The following LRRC71 variants were observed in gnomAD, a reference collection of about 807,000 sequenced individuals.
LRRC71 encodes leucine-rich repeat-containing protein 71.
LRRC71 carries 54 observed loss-of-function variants against 66.6 expected under a neutral mutation model. The ratio of observed to expected loss-of-function variants is 0.81; its 90% CI spans 0.65 to 1.02. The LOEUF (loss-of-function observed/expected upper bound fraction) is 1.02, where lower values mean the gene tolerates loss of function less well. LRRC71 is among the 50% of genes least tolerant of loss of function. LRRC71 has a pLI of 0.00. For missense variants in LRRC71, 724 were observed against 718.0 expected (o/e 1.01, Z -0.10); for synonymous variants, 323 against 303.9 (o/e 1.06, Z -0.65).
chr1:156,937,370 A>AGCTGAG (rs775252703), downstream of LRRC71: 5 of 1,610,872 alleles, frequency 3.1e-6, no homozygotes, highest in Non-Finnish European at 4.2e-6. Flanking sequence ...GCCTCCCTGC[A>AGCTGAG]GCTGAGGCTG....
intron 13 of LRRC71, 137 bp from the exon 14 acceptor site, chr1:156,932,287 G>C (rs1654494103): frequency 5.5e-6 from 4 of 723,740 alleles, no homozygotes; most frequent in Non-Finnish European, 7.2e-6. Context: ...TGAAGGGCTA[G>C]GTCAGGGAAA....
In LRRC71 at chr1:156,920,673, G is replaced by T; in HGVS notation, c.-131G>T. ...ACGCGTAGGCTACGCCACCGCGGACGGGTCGGATCCGGTCCCTGGACGCGG... is the reference window on the plus strand; with the variant it reads ...ACGCGTAGGCTACGCCACCGCGGACTGGTCGGATCCGGTCCCTGGACGCGG... On this transcript the variant is annotated 5_prime_UTR_variant, in exon 1 of 15. Transcript: ENST00000337428. This position sits in a 1 kb window ranked among gnomAD's most constrained non-coding sequence, Gnocchi z 4.9. 1 of 1,144,712 alleles carries T rather than the reference G, an allele frequency of 8.7e-7. No individual in the cohort carries two copies. The highest frequency in any genetic ancestry group is 2.7e-5 in the South Asian group (1 of 37,454). 70.9% of individuals were successfully genotyped at this position (1,144,712 alleles called of 1,614,324 possible).
At chr1:156,937,086 G>A (rs1655566025), downstream of LRRC71, 1 of 1,572,082 alleles carries the variant, frequency 6.4e-7, no homozygotes, top group Admixed American at 1.8e-5. Flanking sequence ...GCTGGGCCTT[G>A]GGGAGGAGGG....
chr1:156,937,995 T>C (rs1485100936), downstream of LRRC71, among the ~76,000 whole-genome samples: 1 of 151,532 alleles, frequency 6.6e-6, no homozygotes, highest in African/African-American at 2.4e-5. Context: ...ACGTGGAGGG[T>C]TCCTGACAGG....
At chr1:156,940,014 A>G in the LRRC71 span, 1 of 1,531,438 alleles carries the variant, frequency 6.5e-7, no homozygotes. Flanking sequence ...CCTCAGGCAC[A>G]GGTGAAGCTG....
intron 9 of LRRC71, among the ~76,000 whole-genome samples, 186 bp downstream of exon 9, chr1:156,928,190 G>A (rs1653534694): frequency 6.6e-6 from 1 of 152,178 alleles, no homozygotes; most frequent in Non-Finnish European, 1.5e-5. Context: ...TCTAATTGCA[G>A]AACCACACTA....
downstream of LRRC71, chr1:156,937,019 C>T (rs988760112): frequency 1.2e-5 from 20 of 1,609,160 alleles, no homozygotes; most frequent in East Asian, 2.2e-5. Flanking sequence ...GAAGAGTCGG[C>T]GGGGGAATGT....
intron 1 of LRRC71, among the ~76,000 whole-genome samples, chr1:156,923,368 G>C (rs544302572): frequency 1.4e-4 from 21 of 152,332 alleles, no homozygotes; most frequent in African/African-American, 4.8e-4. Flanking sequence ...GATGTGGTGG[G>C]CGCGTGTGAA....
chr1:156,935,928 A>G (rs1019606910), downstream of LRRC71: 8 of 1,517,794 alleles, frequency 5.3e-6, no homozygotes, highest in African/African-American at 5.5e-5. Flanking sequence ...GATCCCCCCT[A>G]CCCTGTGCCC....
chr1:156,939,078 A>C, the LRRC71 span: 1 of 208,470 alleles, frequency 4.8e-6, no homozygotes. Context: ...TTTGTCCTCC[A>C]CCCCTTCCAG....
At chr1:156,931,349 C>T (rs535152724) in intron 12 of LRRC71, among the ~76,000 whole-genome samples, 4 of 152,284 alleles carry the variant, frequency 2.6e-5, no homozygotes, top group Admixed American at 6.5e-5. Context: ...CAAAAGAGGA[C>T]GTTCAGAGGG....
chr1:156,936,497 A>AAAATAT (rs370282821), downstream of LRRC71, among the ~76,000 whole-genome samples: 58 of 33,926 alleles, frequency 1.7e-3, no homozygotes, highest in East Asian at 0.018. Context: ...AAAAAAAAAA[A>AAAATAT]ATATATATAT....
At chr1:156,932,674 T>A in intron 14 of LRRC71, 129 bp downstream of exon 14, 1 of 1,595,902 alleles carries the variant, frequency 6.3e-7, no homozygotes, top group Non-Finnish European at 8.6e-7. Flanking sequence ...TGCTTCTTTT[T>A]AATAATCACA....
At chr1:156,927,409 G>T in intron 6 of LRRC71, 87 bp from the exon 7 acceptor site, 16 of 1,507,360 alleles carry the variant, frequency 1.1e-5, no homozygotes, top group Non-Finnish European at 1.2e-5. Flanking sequence ...AGACCAGACC[G>T]CCCCCTCAAG....
At chr1:156,933,898 G>C (rs1435141678), downstream of LRRC71, among the ~76,000 whole-genome samples, 4 of 152,158 alleles carry the variant, frequency 2.6e-5, no homozygotes, top group Non-Finnish European at 5.9e-5. Flanking sequence ...TGCCTACCTA[G>C]AATTCCCTTG....
chr1:156,930,436 T>G, intron 11 of LRRC71, 93 bp from the exon 12 acceptor site: 1 of 1,126,178 alleles, frequency 8.9e-7, no homozygotes, highest in Non-Finnish European at 1.3e-6. Flanking sequence ...AGTTGGGGGG[T>G]CTCTTTGCCT....
chr1:156,940,163 C>G, the LRRC71 span: 3 of 1,527,296 alleles, frequency 2.0e-6, no homozygotes, highest in Non-Finnish European at 2.6e-6. Flanking sequence ...ACTGGGTGTG[C>G]GACTGGGGAC....
At chr1:156,940,450 A>G in the LRRC71 span, 1 of 1,578,416 alleles carries the variant, frequency 6.3e-7, no homozygotes, top group Non-Finnish European at 8.6e-7. Context: ...AGAAGATTGT[A>G]AGGCAGGGAA....
At chr1:156,921,034 C>G in intron 1 of LRRC71, 71 bp downstream of exon 1, 1 of 1,432,702 alleles carries the variant, frequency 7.0e-7, no homozygotes, top group Non-Finnish European at 9.2e-7. Context: ...TAGCTACTCA[C>G]TGCTCCAAGG....
Sources: gnomAD v4.1 joint callset for allele counts (sites outside exome capture counted in the v4.1 genomes callset) on GRCh38, gnomAD v4.1.1 for gene constraint, Gnocchi (gnomAD v3.1) non-coding constraint, MANE v1.5 for transcripts, NCBI Gene and HGNC (gene_info 2026-07-23, HGNC 2026-07-21) for gene names.